LAMA3: variants seen among roughly 807,000 people sequenced by gnomAD.
LAMA3 encodes laminin subunit alpha 3, also known as laminin subunit alpha-3.
Under a neutral mutation model 402.0 loss-of-function variants are expected in LAMA3, and 281 were observed. That is an observed-to-expected ratio of 0.70 (90% CI 0.63 to 0.77). LAMA3 has a LOEUF of 0.77. Ranked by LOEUF, LAMA3 falls within the 30% of genes least tolerant of loss-of-function variation. The pLI, the probability that LAMA3 is intolerant of heterozygous loss-of-function variation, is 0.00. For synonymous variants in LAMA3, 1,431 were observed against 1,558.4 expected (o/e 0.92, Z 1.93); for missense variants, 3,840 against 4,215.5 (o/e 0.91, Z 2.47).
At chr18:23,709,144 C>T (rs1356223351) in intron 1 of LAMA3, among the ~76,000 whole-genome samples, 1 of 151,630 alleles carries the variant, frequency 6.6e-6, no homozygotes, top group East Asian at 1.9e-4. Flanking sequence ...GATCTTGGCT[C>T]ACTGCAACCT....
At chr18:23,732,304 G>A (rs536790588) in intron 2 of LAMA3, among the ~76,000 whole-genome samples, 5 of 152,234 alleles carry the variant, frequency 3.3e-5, no homozygotes, top group South Asian at 2.1e-4. Context: ...GGGAAGAGGC[G>A]AGAGCTTTGG....
rs755525248 is a variant in LAMA3, at chr18:23,815,050, C to T, written c.1889-138C>T. On this transcript the variant is annotated intron_variant, in intron 15 of 74. Coordinates refer to ENST00000313654, the MANE Select transcript of LAMA3 (RefSeq NM_198129.4). ...AAAGCAGTCTAATTTTAGGCCTCAG[C>T]GATGCAAACTCTCATTCTGTTGAAC... The T allele has an allele frequency of 3.2e-5, 24 of 754,480 alleles. No individual in the cohort carries two copies. In the East Asian group the frequency reaches 5.0e-4, roughly 16 times the overall value. 46.7% of individuals were successfully genotyped at this position (754,480 alleles called of 1,614,324 possible). A position where few individuals can be genotyped will look rare whatever the true frequency, so the allele number is the denominator to read the frequency against.
chr18:23,750,976 C>T lies in LAMA3; in HGVS notation c.743C>T (p.Thr248Ile), dbSNP rs2061740269. The T allele has an allele frequency of 1.9e-6, 3 of 1,614,024 alleles. No homozygotes were observed. The highest frequency in any genetic ancestry group is 2.5e-6 in the Non-Finnish European group (3 of 1,180,006). Residue 248 changes from threonine to isoleucine, a missense_variant, in exon 5 of 75, where the codon ACC becomes ATC. This residue lies in a region of LAMA3 where 2,109 missense variants were observed against 2,376.0 expected (regional missense o/e 0.89). Coordinates refer to ENST00000313654, the MANE Select transcript of LAMA3 (RefSeq NM_198129.4). The stretch of plus-strand genomic sequence containing the variant: ...GCAAAAAATTTTACTTTCTCTCACA[C>T]CCTGAGGGAGTTTACCAAGGCAACA... Reference protein sequence around the residue: ...PGAKNFTFSHTLREFTKATNI... With the variant: ...PGAKNFTFSHILREFTKATNI...
At chr18:23,877,487 T>C (rs2064760537) in intron 39 of LAMA3, among the ~76,000 whole-genome samples, 1 of 152,220 alleles carries the variant, frequency 6.6e-6, no homozygotes, top group Admixed American at 6.5e-5. Context: ...AGTTGTGTTG[T>C]GCCCTTTTGG....
intron 2 of LAMA3, among the ~76,000 whole-genome samples, chr18:23,731,621 G>T (rs1199891767): frequency 6.6e-6 from 1 of 152,210 alleles, no homozygotes; most frequent in East Asian, 1.9e-4. Context: ...GCTTTCCAGG[G>T]AGATGGTCTG....
At chr18:23,738,860 C>A (rs1294525874) in intron 2 of LAMA3, among the ~76,000 whole-genome samples, 8 of 152,244 alleles carry the variant, frequency 5.3e-5, no homozygotes, top group Non-Finnish European at 1.0e-4. Context: ...TCACTGAGCC[C>A]AGCGGGTGCA....
chr18:23,799,592 A>G (rs1465810575), intron 12 of LAMA3, among the ~76,000 whole-genome samples: 2 of 152,196 alleles, frequency 1.3e-5, no homozygotes, highest in African/African-American at 2.4e-5. Context: ...AGCTGCCACC[A>G]CTGCGCTCCA....
At chr18:23,691,401 G>T (rs988771800) in intron 1 of LAMA3, among the ~76,000 whole-genome samples, 30 of 151,830 alleles carry the variant, frequency 2.0e-4, no homozygotes, top group African/African-American at 7.3e-4. Flanking sequence ...TGCAAGAAAA[G>T]AAACTAAAAA....
At chr18:23,724,118 A>T (rs2061258294) in intron 2 of LAMA3, among the ~76,000 whole-genome samples, 1 of 152,210 alleles carries the variant, frequency 6.6e-6, no homozygotes, top group South Asian at 2.1e-4. Context: ...CATATGAACG[A>T]GAACATACGA....
In LAMA3 at chr18:23,895,721, G is replaced by A. The variant is rs560494533; in HGVS notation, c.5613+663G>A. Among the ~76,000 whole-genome samples, 47 of 152,032 alleles carry A rather than the reference G, an allele frequency of 3.1e-4. No individual in the cohort carries two copies. In the South Asian group the frequency reaches 7.1e-3, roughly 23 times the overall value. On this transcript the variant is annotated intron_variant, in intron 44 of 74. Coordinates refer to ENST00000313654, the MANE Select transcript of LAMA3 (RefSeq NM_198129.4). ...TTATTTTGGCTAGAGTATTACCAAT[G>A]TTGTTGATCCTTTTATTTCATTGAT...
At position 23,890,031 on chromosome 18, in the gene LAMA3, G is replaced by A. The variant is rs1184531072; in HGVS notation, c.5324G>A (p.Gly1775Glu). The part of the protein sequence containing the change: ...QCERCAPGYF[G>E]NPQKFGGSCQ... ...TGTAGGTGTGCACCGGGATATTTCGGGAATCCCCAGAAATTCGGAGGTAGC... is the reference window on the plus strand; with the variant it reads ...TGTAGGTGTGCACCGGGATATTTCGAGAATCCCCAGAAATTCGGAGGTAGC... Residue 1775 changes from glycine to glutamate, a missense_variant, in exon 42 of 75, where the codon GGG (glycine) becomes GAG (glutamate). Physicochemically the swap from Gly to Glu is moderately conservative, Grantham distance 98. This residue lies in a region of LAMA3 where 2,109 missense variants were observed against 2,376.0 expected (regional missense o/e 0.89). Transcript: ENST00000313654. 1.2e-6 allele frequency: 2 copies of A among 1,613,786 alleles called. No individual in the cohort carries two copies.
rs539401488 is a variant in LAMA3, at chr18:23,809,903, A to G, written c.1604-463A>G. Among the ~76,000 whole-genome samples the G allele has an allele frequency of 9.9e-4, 150 of 152,234 alleles. 1 individual carries two copies. The highest frequency in any genetic ancestry group is 1.9e-3 in the Non-Finnish European group (127 of 68,004). On this transcript the variant is annotated intron_variant, in intron 12 of 74. Coordinates refer to ENST00000313654, the MANE Select transcript of LAMA3 (RefSeq NM_198129.4). ...CTTGATATGGAATATCAAGTGGGAT[A>G]TGGAATTAAAGTGGCCCTCCAGTGA...
intron 67 of LAMA3, among the ~76,000 whole-genome samples, chr18:23,934,576 T>TCAGACCTGGGAAAGTTA (rs2082258249): frequency 6.6e-6 from 1 of 152,224 alleles, no homozygotes; most frequent in Admixed American, 6.5e-5. Context: ...CTTGCTCTGC[T>TCAGACCTGGGAAAGTTA]CAAGGTCAAC....
chr18:23,864,983 G>C (rs2064319148), intron 36 of LAMA3, 100 bp downstream of exon 36: 1 of 785,312 alleles, frequency 1.3e-6, no homozygotes, highest in South Asian at 1.4e-5. Flanking sequence ...AAAAAGTTTA[G>C]ATTAAATCAT....
intron 7 of LAMA3, among the ~76,000 whole-genome samples, chr18:23,761,014 G>T (rs1040005897): frequency 1.3e-5 from 2 of 152,112 alleles, no homozygotes; most frequent in Non-Finnish European, 2.9e-5. Context: ...GGGCACAAGC[G>T]TTCGGACCAT....
At chr18:23,920,709 G>T (rs1478922562) in intron 60 of LAMA3, among the ~76,000 whole-genome samples, 1 of 152,088 alleles carries the variant, frequency 6.6e-6, no homozygotes, top group South Asian at 2.1e-4. Context: ...AGCATTTATT[G>T]TGTCTGTCCT....
At chr18:23,725,471 C>A (rs1157058980) in intron 2 of LAMA3, among the ~76,000 whole-genome samples, 1 of 152,194 alleles carries the variant, frequency 6.6e-6, no homozygotes. Context: ...ATGCTGTGTC[C>A]TTGGCAGAGT....
At chr18:23,820,599 A>G (rs2063266410) in intron 19 of LAMA3, among the ~76,000 whole-genome samples, 1 of 152,166 alleles carries the variant, frequency 6.6e-6, no homozygotes, top group East Asian at 1.9e-4. Flanking sequence ...AGGGGAATTT[A>G]TACATTCTTT....
At chr18:23,824,358 A>T in intron 20 of LAMA3, 65 bp from the exon 21 acceptor site, 1 of 1,539,600 alleles carries the variant, frequency 6.5e-7, no homozygotes, top group Non-Finnish European at 9.0e-7. Context: ...TCAAAACTGA[A>T]TATCTAAAAT....
Sources: allele counts gnomAD v4.1 joint callset (sites outside exome capture counted in the v4.1 genomes callset), GRCh38; gene constraint gnomAD v4.1.1; regional missense constraint gnomAD v4.1.1; transcripts MANE v1.5; gene names NCBI Gene and HGNC (gene_info 2026-07-23, HGNC 2026-07-21).